Variants in MAGI2 observed in about 807,000 individuals in gnomAD.
MAGI2 encodes the protein membrane-associated guanylate kinase, WW and PDZ domain-containing protein 2.
In MAGI2, 35 loss-of-function variants were observed where a neutral mutation model predicts 133.3. The observed-to-expected ratio is 0.26, with a 90% CI of 0.20 to 0.35. The LOEUF (loss-of-function observed/expected upper bound fraction) is 0.35. MAGI2 is among the 10% of genes least tolerant of loss of function. The pLI, the probability that MAGI2 is intolerant of heterozygous loss-of-function variation, is 1.00. For synonymous variants in MAGI2, 729 were observed against 710.6 expected, an observed-to-expected ratio of 1.03 and a Z score of -0.41; for missense variants, 1,636 against 1,863.4, an observed-to-expected ratio of 0.88 and a Z score of 2.25.
chr7:78,177,416 GCGCACACACACA>G (rs1291527706), intron 14 of MAGI2, among the ~76,000 whole-genome samples: 16 of 73,682 alleles, frequency 2.2e-4, no homozygotes, highest in Non-Finnish European at 3.3e-4. Context: ...CTGTGAATAC[GCGCACACACACA>G]CACACACACA....
rs1465220 is a variant in MAGI2, at chr7:78,134,728, T to C, written c.3031+293A>G. 0.87 allele frequency: 225,651 copies of C among 260,056 alleles called. 98,463 individuals are homozygous for C. Among genetic ancestry groups the C allele is most frequent in the African/African-American group, 0.93 (42,259 of 45,558 alleles). 16.1% of individuals were successfully genotyped at this position (260,056 alleles called of 1,614,324 possible). On this transcript the variant is annotated intron_variant, in intron 17 of 21. Transcript: ENST00000354212. ...TTCTGACTTAATATAACCATAAAAG[T>C]GGGGGCCCACAGGGAATGATTGAAT... is the stretch of plus-strand genomic sequence containing the variant.
intron 21 of MAGI2, among the ~76,000 whole-genome samples, chr7:78,044,559 C>A (rs966083559): frequency 3.9e-5 from 6 of 152,018 alleles, no homozygotes; most frequent in Non-Finnish European, 7.4e-5. Flanking sequence ...TACGACAGTA[C>A]ACTGTGAAAT....
At chr7:79,389,817 GACCAGTTTGGGTTTCCTGAGT>G (rs1844465868) in intron 1 of MAGI2, among the ~76,000 whole-genome samples, 1 of 151,994 alleles carries the variant, frequency 6.6e-6, no homozygotes, top group Non-Finnish European at 1.5e-5. Context: ...GGCTGGCTGG[GACCAGTTTGGGTTTCCTGAGT>G]CTAGAGCTAT....
chr7:78,589,140 T>C (rs1190641077), intron 3 of MAGI2, among the ~76,000 whole-genome samples: 2 of 152,206 alleles, frequency 1.3e-5, no homozygotes, highest in African/African-American at 2.4e-5. Flanking sequence ...GGTCTGGCCA[T>C]AAATGTTTTG....
chr7:78,201,179 A>G lies in MAGI2; in HGVS notation c.2062T>C (p.Trp688Arg). ...CAACTTACAGGCTTTGGAGTTTTCC[A>G]TGGAGAAAAGAAACCTGTAATAAAG... ...IIHRGGFFSPWKTPKPIMDRW... is the reference protein window; with the variant it reads ...IIHRGGFFSPRKTPKPIMDRW... The change falls in exon 11 of 22, where the codon TGG (tryptophan) becomes CGG (arginine). Residue 688 changes from tryptophan to arginine, a missense_variant. Coordinates refer to ENST00000354212, the MANE Select transcript of MAGI2 (RefSeq NM_012301.4). 6.7e-7 allele frequency: 1 copy of G among 1,487,078 alleles called. No individual in the cohort carries two copies. The highest frequency in any genetic ancestry group is 8.9e-7 in the Non-Finnish European group (1 of 1,118,050). The allele number at this position is 1,487,078 out of a possible 1,614,324, so 92.1% of individuals were successfully genotyped here.
intron 1 of MAGI2, among the ~76,000 whole-genome samples, chr7:79,195,354 C>T (rs1827990119): frequency 6.6e-6 from 1 of 152,008 alleles, no homozygotes; most frequent in African/African-American, 2.4e-5. Context: ...GGTTTTTACA[C>T]ATTGCATACT....
intron 1 of MAGI2, among the ~76,000 whole-genome samples, chr7:79,175,355 G>T (rs1056152176): frequency 6.6e-5 from 10 of 151,424 alleles, no homozygotes; most frequent in African/African-American, 1.7e-4. Flanking sequence ...ATACTAAAAG[G>T]CAATTCAGTT....
intron 6 of MAGI2, among the ~76,000 whole-genome samples, chr7:78,372,133 TTTA>T (rs1206303641): frequency 2.6e-5 from 4 of 152,138 alleles, no homozygotes; most frequent in Non-Finnish European, 5.9e-5. Flanking sequence ...TGTGTATTCT[TTTA>T]TTGACATTTT....
intron 2 of MAGI2, among the ~76,000 whole-genome samples, chr7:78,709,337 T>A (rs1303823747): frequency 6.6e-6 from 1 of 151,966 alleles, no homozygotes; most frequent in African/African-American, 2.4e-5. Flanking sequence ...AAACTGTTAT[T>A]TTGCTTCCTC....
At chr7:79,282,228 T>C (rs1188192543) in intron 1 of MAGI2, among the ~76,000 whole-genome samples, 1 of 152,178 alleles carries the variant, frequency 6.6e-6, no homozygotes, top group East Asian at 1.9e-4. Context: ...TGTAAAATCT[T>C]ACAACTCCAG....
At chr7:78,866,942 C>T (rs2151512654) in intron 2 of MAGI2, among the ~76,000 whole-genome samples, 1 of 152,140 alleles carries the variant, frequency 6.6e-6, no homozygotes. Flanking sequence ...TGAAAAAATG[C>T]TCACCATCAC....
At chr7:78,889,994 C>CA (rs1796606030) in intron 2 of MAGI2, among the ~76,000 whole-genome samples, 1 of 152,154 alleles carries the variant, frequency 6.6e-6, no homozygotes, top group South Asian at 2.1e-4. Context: ...ATCTCACGTG[C>CA]AGAGACACAT....
chr7:79,078,804 T>A (rs1815776358), intron 1 of MAGI2, among the ~76,000 whole-genome samples: 1 of 152,168 alleles, frequency 6.6e-6, no homozygotes, highest in Non-Finnish European at 1.5e-5. Context: ...AATGGGTACG[T>A]TAGCCCATGT....
At chr7:78,768,828 G>A (rs995776895) in intron 2 of MAGI2, among the ~76,000 whole-genome samples, 3 of 152,066 alleles carry the variant, frequency 2.0e-5, no homozygotes, top group Middle Eastern at 3.2e-3. Context: ...CTCTCTAGTG[G>A]ATAGTGCCTC....
At chr7:78,592,138 G>C (rs1490632630) in intron 3 of MAGI2, among the ~76,000 whole-genome samples, 2 of 152,148 alleles carry the variant, frequency 1.3e-5, no homozygotes, top group Non-Finnish European at 2.9e-5. Flanking sequence ...AGGAAAGAAA[G>C]TTGCAAAGAA....
intron 1 of MAGI2, among the ~76,000 whole-genome samples, chr7:79,043,542 CAAAAAAAAAA>C (rs58828466): frequency 4.9e-5 from 2 of 40,430 alleles, no homozygotes; most frequent in African/African-American, 8.6e-5. Flanking sequence ...GACTCCATCA[CAAAAAAAAAA>C]AAAAAAAAAA....
intron 2 of MAGI2, among the ~76,000 whole-genome samples, chr7:78,907,232 G>C (rs528088320): frequency 1.3e-5 from 2 of 152,248 alleles, no homozygotes; most frequent in South Asian, 4.1e-4. Flanking sequence ...GCTAGCTCAG[G>C]TGCAAGGGGT....
rs1193699692 is a variant in MAGI2 at position 79,282,478 on chromosome 7, A to G, written c.301+170542T>C. On this transcript the variant is annotated intron_variant, in intron 1 of 21. Coordinates refer to ENST00000354212, the MANE Select transcript of MAGI2 (RefSeq NM_012301.4). ...TTTTGTTGTTGTTTTCTGCAGGAAAAAAGTTAGAGAGTTAATGAAGCTTAA... is the reference window on the plus strand; with the variant it reads ...TTTTGTTGTTGTTTTCTGCAGGAAAGAAGTTAGAGAGTTAATGAAGCTTAA... Among the ~76,000 whole-genome samples, 3 of 152,184 alleles carry G rather than the reference A, an allele frequency of 2.0e-5. No individual in the cohort carries two copies. In the East Asian group the frequency reaches 5.8e-4, roughly 29 times the overall value.
At chr7:78,943,490 A>G (rs1801153677) in intron 2 of MAGI2, among the ~76,000 whole-genome samples, 2 of 152,174 alleles carry the variant, frequency 1.3e-5, no homozygotes, top group Non-Finnish European at 2.9e-5. Flanking sequence ...CTAAAGTGGG[A>G]GGACCAGTGA....
Sources: allele counts gnomAD v4.1 joint callset (sites outside exome capture counted in the v4.1 genomes callset), GRCh38; gene constraint gnomAD v4.1.1; transcripts MANE v1.5; gene names NCBI Gene and HGNC (gene_info 2026-07-23, HGNC 2026-07-21).